The following SREBF2 variants were observed in gnomAD, a reference collection of about 807,000 sequenced individuals.
SREBF2 encodes sterol regulatory element-binding protein 2.
A neutral mutation model predicts 113.1 loss-of-function variants in SREBF2; 55 were observed. The ratio of observed to expected loss-of-function variants is 0.49; its 90% CI spans 0.39 to 0.61. The LOEUF (loss-of-function observed/expected upper bound fraction) is 0.61. Among genes scored for constraint, SREBF2 ranks in the 20% least tolerant of loss-of-function variants. The pLI is 0.00. For missense variants in SREBF2, 1,349 were observed against 1,487.4 expected, an observed-to-expected ratio of 0.91 and a Z score of 1.53; for synonymous variants, 593 against 605.7, an observed-to-expected ratio of 0.98 and a Z score of 0.31.
chr22:41,895,225 T>G (rs1424233066), intron 13 of SREBF2, among the ~76,000 whole-genome samples: 1 of 151,570 alleles, frequency 6.6e-6, no homozygotes, highest in Admixed American at 6.6e-5. Flanking sequence ...CTGCAAGCTC[T>G]GCCTCCTGGG....
chr22:41,899,201 C>G, intron 15 of SREBF2: 1 of 1,111,812 alleles, frequency 9.0e-7, no homozygotes, highest in South Asian at 2.3e-5. Context: ...AGCATCTTGC[C>G]CCTGTGTGCT....
intron 11 of SREBF2, chr22:41,886,158 G>A (rs1408625573): frequency 6.6e-6 from 1 of 152,228 alleles, no homozygotes; most frequent in Admixed American, 6.5e-5. Flanking sequence ...GGAGGACTGG[G>A]CTCCAGGTGG....
intron 1 of SREBF2, among the ~76,000 whole-genome samples, chr22:41,854,816 G>C (rs538531478): frequency 1.3e-5 from 2 of 151,910 alleles, no homozygotes; most frequent in Non-Finnish European, 2.9e-5. Flanking sequence ...TGGAGCCAGA[G>C]GCTGCAGTGA....
At chr22:41,869,686 G>C (rs1378710459) in intron 3 of SREBF2, among the ~76,000 whole-genome samples, 1 of 149,586 alleles carries the variant, frequency 6.7e-6, no homozygotes. Context: ...GGTTTCTCCA[G>C]GTTGGCCAGG....
intron 1 of SREBF2, among the ~76,000 whole-genome samples, chr22:41,840,518 T>C (rs2076819858): frequency 6.6e-6 from 1 of 152,214 alleles, no homozygotes; most frequent in African/African-American, 2.4e-5. Context: ...AAAGAGTACA[T>C]TTAGGTAACT....
chr22:41,833,511 C>A lies in SREBF2; in HGVS notation c.88+153C>A. 3.6e-6 allele frequency: 2 copies of A among 562,566 alleles called. No homozygotes were observed. Among genetic ancestry groups the A allele is most frequent in the Non-Finnish European group, 5.8e-6 (2 of 343,716 alleles). 34.8% of individuals were successfully genotyped at this position (562,566 alleles called of 1,614,324 possible). A position where few individuals can be genotyped will look rare whatever the true frequency, so the allele number is the denominator to read the frequency against. ...GTGCCCCCGGCGGTCCTCAACCCTT[C>A]CGGCGCTGCGAGCGTGAGCCCGACC... On this transcript the variant is annotated intron_variant, in intron 1 of 18. Coordinates refer to ENST00000361204, the MANE Select transcript of SREBF2 (RefSeq NM_004599.4). The surrounding 1 kb of genome is among the most constrained non-coding windows in gnomAD (Gnocchi z 4.1).
chr22:41,897,188 C>T (rs1186907797), intron 14 of SREBF2, 27 bp downstream of exon 14: 3 of 1,510,096 alleles, frequency 2.0e-6, no homozygotes, highest in South Asian at 2.3e-5. Context: ...GGCCCACAGT[C>T]TCAGGGTGCT....
At chr22:41,834,708 A>C (rs367583416) in intron 1 of SREBF2, 1 of 152,258 alleles carries the variant, frequency 6.6e-6, no homozygotes, top group Non-Finnish European at 1.5e-5. Flanking sequence ...CATTTTGGTC[A>C]TGTGGGCAGT....
rs546801935 is a variant in SREBF2 at position 41,866,943 on chromosome 22, T to C, written c.201T>C (p.Ser67=). ...SGGSGSSSGS[S]GSSSSSSNGR... is the part of the protein sequence containing the mutation. ...GTAGTGGTAGCAGCAGCGGCAGCAG[T>C]GGCAGCAGCAGCAGCAGCAGCAATG... is the stretch of plus-strand genomic sequence containing the variant. Residue 67 remains serine (S), a synonymous_variant, in exon 2 of 19, where the codon AGT becomes AGC. Coordinates refer to ENST00000361204, the MANE Select transcript of SREBF2 (RefSeq NM_004599.4). The C allele has an allele frequency of 4.1e-4, 669 of 1,613,522 alleles. 4 individuals carry two copies. In the African/African-American group the frequency reaches 7.9e-3, roughly 19 times the overall value.
chr22:41,866,291 C>G (rs2077073801), intron 1 of SREBF2, among the ~76,000 whole-genome samples: 2 of 151,914 alleles, frequency 1.3e-5, no homozygotes, highest in South Asian at 4.2e-4. Context: ...TGGCTCACAC[C>G]TGTAATCCCA....
At chr22:41,855,962 G>A (rs1431580936) in intron 1 of SREBF2, among the ~76,000 whole-genome samples, 2 of 151,490 alleles carry the variant, frequency 1.3e-5, no homozygotes, top group Non-Finnish European at 2.9e-5. Flanking sequence ...TCACTATTTT[G>A]TCCAGGCTGG....
intron 13 of SREBF2, among the ~76,000 whole-genome samples, 186 bp downstream of exon 13, chr22:41,895,123 C>T (rs1318614265): frequency 6.6e-6 from 1 of 151,514 alleles, no homozygotes; most frequent in Non-Finnish European, 1.5e-5. Flanking sequence ...CCTGGCCTTT[C>T]CTCCTAGACC....
intron 1 of SREBF2, among the ~76,000 whole-genome samples, chr22:41,864,323 ATT>A (rs1300330185): frequency 6.4e-5 from 5 of 77,958 alleles, no homozygotes; most frequent in African/African-American, 1.7e-4. Flanking sequence ...ATATATATAT[ATT>A]TTTTTTTTTT....
intron 11 of SREBF2, among the ~76,000 whole-genome samples, chr22:41,886,997 G>A (rs1447175552): frequency 1.3e-5 from 2 of 152,178 alleles, no homozygotes; most frequent in Non-Finnish European, 2.9e-5. Flanking sequence ...TCACGCCATT[G>A]CACTCCAGCC....
At chr22:41,872,821 G>T (rs535920767) in intron 4 of SREBF2, among the ~76,000 whole-genome samples, 163 of 151,962 alleles carry the variant, frequency 1.1e-3, no homozygotes, top group Admixed American at 5.8e-3. Flanking sequence ...AACCAGGGGG[G>T]TGCAGGTTGT....
Position 41,875,563 on chromosome 22 carries a change from C to T in SREBF2, c.1225C>T (p.Leu409=), listed in dbSNP as rs1486716904. Residue 409 remains leucine (L), a synonymous_variant, in exon 7 of 19, where the codon CTA becomes TTA. Coordinates refer to ENST00000361204, the MANE Select transcript of SREBF2 (RefSeq NM_004599.4). ...QKNKLLKGID[L]GSLVDNEVDL... ...TGCAGAGCTTCTAAAGGGCATCGAC[C>T]TAGGCAGTCTGGTGGACAATGAGGT... 6.2e-7 allele frequency: 1 copy of T among 1,614,108 alleles called. No individual in the cohort carries two copies. The highest frequency in any genetic ancestry group is 2.2e-5 in the East Asian group (1 of 44,886).
intron 1 of SREBF2, among the ~76,000 whole-genome samples, chr22:41,852,569 TGG>T (rs911114698): frequency 2.0e-5 from 3 of 152,116 alleles, no homozygotes; most frequent in African/African-American, 7.2e-5. Flanking sequence ...CTACAGGCCA[TGG>T]GAGATGACCT....
chr22:41,849,203 A>T (rs1026174068), intron 1 of SREBF2, among the ~76,000 whole-genome samples: 3 of 151,652 alleles, frequency 2.0e-5, no homozygotes, highest in Admixed American at 6.6e-5. Context: ...TTATTTATTT[A>T]TTTTTTGGAG....
At chr22:41,883,855 A>G (rs1479476041) in intron 10 of SREBF2, among the ~76,000 whole-genome samples, 2 of 152,194 alleles carry the variant, frequency 1.3e-5, no homozygotes, top group African/African-American at 4.8e-5. Flanking sequence ...TCCTCCCCTG[A>G]GGCAAGGAGA....
Sources: gnomAD v4.1 joint callset for allele counts (sites outside exome capture counted in the v4.1 genomes callset) on GRCh38, gnomAD v4.1.1 for gene constraint, Gnocchi (gnomAD v3.1) non-coding constraint, MANE v1.5 for transcripts, NCBI Gene and HGNC (gene_info 2026-07-23, HGNC 2026-07-21) for gene names.